The following XNDC1N variants were observed in gnomAD, a reference collection of about 807,000 sequenced individuals.
XNDC1N encodes the protein protein XNDC1N.
chr11:71,889,177 A>G, the XNDC1N span, among the ~76,000 whole-genome samples: 1 of 152,240 alleles, frequency 6.6e-6, no homozygotes, highest in Non-Finnish European at 1.5e-5. Context: ...CACTGATTCT[A>G]GGTATGTCTT....
At chr11:71,879,932 T>G in the XNDC1N span, among the ~76,000 whole-genome samples, 1 of 152,180 alleles carries the variant, frequency 6.6e-6, no homozygotes, top group Non-Finnish European at 1.5e-5. Flanking sequence ...CATTCCTTCA[T>G]TCAGTGGTCA....
the XNDC1N span, chr11:71,904,037 C>T: frequency 3.8e-6 from 2 of 523,224 alleles, no homozygotes; most frequent in Non-Finnish European, 7.6e-6. Context: ...ACGGTGGTCA[C>T]CCCCATGCTG....
At chr11:71,896,623 G>A in the XNDC1N span, among the ~76,000 whole-genome samples, 7,392 of 147,296 alleles carry the variant, frequency 0.05, 66 homozygotes, top group African/African-American at 0.089. Flanking sequence ...GAGTGTCATG[G>A]TGCAATCTTG....
chr11:71,892,951 C>T, the XNDC1N span, among the ~76,000 whole-genome samples: 2 of 146,102 alleles, frequency 1.4e-5, no homozygotes, highest in South Asian at 4.2e-4. Flanking sequence ...ATGGGAAAAA[C>T]TCTTCCGATT....
chr11:71,892,532 T>C, the XNDC1N span, among the ~76,000 whole-genome samples: 1 of 152,080 alleles, frequency 6.6e-6, no homozygotes, highest in East Asian at 1.9e-4. Context: ...TATCACAGGG[T>C]GTACGCCCAC....
At chr11:71,873,951 C>G in the XNDC1N span, among the ~76,000 whole-genome samples, 4 of 152,110 alleles carry the variant, frequency 2.6e-5, no homozygotes, top group African/African-American at 9.7e-5. Context: ...AAGTTAGGGG[C>G]TCTCTCCAGA....
the XNDC1N span, among the ~76,000 whole-genome samples, chr11:71,892,574 A>T: frequency 1.3e-5 from 2 of 152,116 alleles, no homozygotes; most frequent in Non-Finnish European, 2.9e-5. Context: ...TCCCTAGGAT[A>T]TCAAAAATCC....
the XNDC1N span, among the ~76,000 whole-genome samples, chr11:71,909,663 C>G: frequency 6.6e-6 from 1 of 152,176 alleles, no homozygotes; most frequent in Non-Finnish European, 1.5e-5. Flanking sequence ...TTGTTGCCCC[C>G]TTATCCAAAA....
the XNDC1N span, among the ~76,000 whole-genome samples, chr11:71,908,889 G>A: frequency 2.0e-5 from 3 of 152,130 alleles, no homozygotes; most frequent in Non-Finnish European, 2.9e-5. Flanking sequence ...CCCTCAGTTG[G>A]ACCCACATGA....
the XNDC1N span, among the ~76,000 whole-genome samples, chr11:71,924,695 A>C: frequency 3.3e-5 from 5 of 149,398 alleles, no homozygotes; most frequent in African/African-American, 4.9e-5. Flanking sequence ...GAAAAAAAAC[A>C]AAAAAAAAAG....
chr11:71,869,430 A>G, the XNDC1N span, among the ~76,000 whole-genome samples: 2 of 152,054 alleles, frequency 1.3e-5, no homozygotes, highest in African/African-American at 4.8e-5. Context: ...TGTGTGCCAC[A>G]TTTTCTTAAT....
chr11:71,917,277 G>A, the XNDC1N span: 2 of 677,246 alleles, frequency 3.0e-6, no homozygotes, highest in South Asian at 3.1e-5. Flanking sequence ...GTCTCCCAAA[G>A]TGCTGGGATT....
the XNDC1N span, among the ~76,000 whole-genome samples, chr11:71,898,815 C>T: frequency 1.3e-5 from 2 of 151,970 alleles, no homozygotes; most frequent in African/African-American, 2.4e-5. Flanking sequence ...ACAATGTGAA[C>T]GTACTTAATG....
the XNDC1N span, among the ~76,000 whole-genome samples, chr11:71,869,593 A>G: frequency 6.6e-6 from 1 of 152,228 alleles, no homozygotes; most frequent in Non-Finnish European, 1.5e-5. Flanking sequence ...TTTCATATCT[A>G]TCAGATCAGT....
At chr11:71,914,113 C>A in the XNDC1N span, among the ~76,000 whole-genome samples, 18 of 152,132 alleles carry the variant, frequency 1.2e-4, no homozygotes, top group Non-Finnish European at 2.2e-4. Flanking sequence ...GCCCAAGGAT[C>A]AAGGAGTAAT....
chr11:71,907,341 G>C, the XNDC1N span, among the ~76,000 whole-genome samples: 4 of 151,426 alleles, frequency 2.6e-5, no homozygotes, highest in Admixed American at 2.0e-4. Context: ...CCCATCGCAG[G>C]GGGGTGAGGC....
the XNDC1N span, among the ~76,000 whole-genome samples, chr11:71,919,614 T>G: frequency 0.13 from 1,642 of 13,040 alleles, 31 homozygotes; most frequent in African/African-American, 0.18. Context: ...GGTTTTTTTT[T>G]TTGTTTGTTT....
At chr11:71,920,634 T>C in the XNDC1N span, among the ~76,000 whole-genome samples, 1 of 152,228 alleles carries the variant, frequency 6.6e-6, no homozygotes, top group Non-Finnish European at 1.5e-5. Flanking sequence ...TTATTTATCT[T>C]TATAGTTATT....
the XNDC1N span, among the ~76,000 whole-genome samples, chr11:71,870,458 G>A: frequency 6.6e-6 from 1 of 152,066 alleles, no homozygotes; most frequent in South Asian, 2.1e-4. Flanking sequence ...CTTGACATTG[G>A]ACATCTTAAG....
Sources: allele counts gnomAD v4.1 joint callset (sites outside exome capture counted in the v4.1 genomes callset), GRCh38; gene constraint gnomAD v4.1.1; transcripts MANE v1.5; gene names NCBI Gene and HGNC (gene_info 2026-07-23, HGNC 2026-07-21).